Variants in RNMT observed in about 807,000 individuals in gnomAD.
RNMT encodes the protein mRNA cap guanine-N(7) methyltransferase.
In RNMT, 27 loss-of-function variants were observed where a neutral mutation model predicts 56.0. The ratio of observed to expected loss-of-function variants is 0.48; its 90% CI spans 0.36 to 0.67. The LOEUF is 0.67. Among genes scored for constraint, RNMT ranks in the 30% least tolerant of loss-of-function variants. The pLI, the probability that RNMT is intolerant of heterozygous loss-of-function variation, is 0.00. For synonymous variants in RNMT, 184 were observed against 176.2 expected (o/e 1.04, Z -0.35); for missense variants, 519 against 552.1 (o/e 0.94, Z 0.60).
intron 8 of RNMT, among the ~76,000 whole-genome samples, chr18:13,743,806 G>T (rs1485446130): frequency 6.6e-6 from 1 of 151,602 alleles, no homozygotes; most frequent in African/African-American, 2.4e-5. Flanking sequence ...TGTAAAATTA[G>T]GGTTACAGTA....
chr18:13,754,095 T>C lies in RNMT; in HGVS notation c.1360-19T>C, dbSNP rs767356655. 22 of 1,474,012 alleles carry C rather than the reference T, an allele frequency of 1.5e-5. No homozygotes were observed. Among genetic ancestry groups the C allele is most frequent in the Non-Finnish European group, 2.0e-5 (21 of 1,058,630 alleles). 91.3% of individuals were successfully genotyped at this position (1,474,012 alleles called of 1,614,324 possible). ...CCATATTGAATCTAAAATTTTCTTT[T>C]TCTCTTTTGTAATTTTAGGGAACCT... On this transcript the variant is annotated intron_variant, in intron 10 of 11. Transcript: ENST00000383314.
Position 13,731,467 on chromosome 18 carries a change from C to A in RNMT, c.-42-9C>A. On this transcript the variant is annotated splice_polypyrimidine_tract_variant and intron_variant, in intron 2 of 11. Transcript: ENST00000383314. ...TTTACAAGTAATACCAATTTTTTTC[C>A]TATTCTAGTGTTGGTTCATGAAGTT... 7.0e-7 allele frequency: 1 copy of A among 1,430,990 alleles called. No homozygotes were observed. The highest frequency in any genetic ancestry group is 9.4e-7 in the Non-Finnish European group (1 of 1,059,674). 88.6% of individuals were successfully genotyped at this position (1,430,990 alleles called of 1,614,324 possible).
chr18:13,739,980 T>C (rs1354976544), intron 5 of RNMT, among the ~76,000 whole-genome samples, 187 bp from the exon 6 acceptor site: 1 of 151,984 alleles, frequency 6.6e-6, no homozygotes, highest in African/African-American at 2.4e-5. Context: ...GAGACGCTTT[T>C]AGTTCCTCTT....
chr18:13,758,818 A>G (rs946507148), intron 11 of RNMT, among the ~76,000 whole-genome samples: 1 of 152,058 alleles, frequency 6.6e-6, no homozygotes, highest in Non-Finnish European at 1.5e-5. Context: ...AGTCATTTCT[A>G]GCTTCTGATT....
chr18:13,737,832 T>TA (rs1378077265), intron 5 of RNMT, among the ~76,000 whole-genome samples: 3 of 151,186 alleles, frequency 2.0e-5, no homozygotes, highest in Non-Finnish European at 2.9e-5. Context: ...CAAACATTTG[T>TA]AATCAGATGG....
chr18:13,758,602 A>G (rs1226640189), intron 11 of RNMT, among the ~76,000 whole-genome samples: 1 of 152,182 alleles, frequency 6.6e-6, no homozygotes, highest in Non-Finnish European at 1.5e-5. Context: ...GGCTTTGGAT[A>G]AAGGGAATGT....
intron 8 of RNMT, among the ~76,000 whole-genome samples, chr18:13,743,340 ATAAAT>A (rs777390536): frequency 0.36 from 22,386 of 62,432 alleles, 2,752 homozygotes; most frequent in Non-Finnish European, 0.44. Flanking sequence ...AAATAAATAA[ATAAAT>A]AAATAAATAA....
At chr18:13,738,704 A>C (rs1285284410) in intron 5 of RNMT, among the ~76,000 whole-genome samples, 3 of 152,252 alleles carry the variant, frequency 2.0e-5, no homozygotes, top group East Asian at 3.8e-4. Context: ...ACTGCCAATC[A>C]GAAAAGTATT....
chr18:13,736,574 A>T, intron 4 of RNMT, among the ~76,000 whole-genome samples: 1 of 151,446 alleles, frequency 6.6e-6, no homozygotes, highest in East Asian at 1.9e-4. Flanking sequence ...ATCATTCCAT[A>T]ACAACTTTGA....
At position 13,752,445 on chromosome 18, in the gene RNMT, A is replaced by G. The variant is rs1296990522; in HGVS notation, c.1359+18A>G. ...TACCTTTGGTAAGTTTTAATTTATG[A>G]AAGTATTTTATAGAGAATGAAAAAA... is the stretch of plus-strand genomic sequence containing the variant. On this transcript the variant is annotated intron_variant, in intron 10 of 11. Coordinates refer to ENST00000383314, the MANE Select transcript of RNMT (RefSeq NM_003799.3). The G allele has an allele frequency of 2.8e-6, 4 of 1,444,970 alleles. No individual in the cohort carries two copies. The highest frequency in any genetic ancestry group is 2.9e-6 in the Non-Finnish European group (3 of 1,028,458). The allele number at this position is 1,444,970 out of a possible 1,614,324, so 89.5% of individuals were successfully genotyped here.
Position 13,733,098 on chromosome 18 carries a change from C to G in RNMT, c.417+1164C>G, listed in dbSNP as rs1490021424. Among the ~76,000 whole-genome samples the G allele has an allele frequency of 2.0e-5, 3 of 152,060 alleles. No individual in the cohort carries two copies. The East Asian group carries it at 5.8e-4, about 29-fold the overall frequency. On this transcript the variant is annotated intron_variant, in intron 3 of 11. Transcript: ENST00000383314. ...TTTAAACATAGTTTTCAAACTTTTACTAGCCCCAGAACCCCTTTTTCAACT... is the reference window on the plus strand; with the variant it reads ...TTTAAACATAGTTTTCAAACTTTTAGTAGCCCCAGAACCCCTTTTTCAACT...
At chr18:13,729,839 G>T (rs1299689866) in intron 1 of RNMT, among the ~76,000 whole-genome samples, 1 of 148,068 alleles carries the variant, frequency 6.8e-6, no homozygotes, top group African/African-American at 2.5e-5. Context: ...TCACTTTGTT[G>T]TCTAGGCTGG....
In RNMT at chr18:13,762,931, A is replaced by C. The variant is rs1380116208; in HGVS notation, c.*2952A>C. On this transcript the variant is annotated 3_prime_UTR_variant, in exon 12 of 12. Coordinates refer to ENST00000383314, the MANE Select transcript of RNMT (RefSeq NM_003799.3). ...AAATGCCAGTGTGAATATTCTAGCT[A>C]CCAAACATTGTTTTTTGTTGAAAAA... 6 of 369,528 alleles carry C rather than the reference A, an allele frequency of 1.6e-5. No homozygotes were observed. Among genetic ancestry groups the C allele is most frequent in the Non-Finnish European group, 3.2e-5 (6 of 185,274 alleles). 22.9% of individuals were successfully genotyped at this position (369,528 alleles called of 1,614,324 possible).
chr18:13,739,333 TA>T (rs1293285281), intron 5 of RNMT, among the ~76,000 whole-genome samples: 2 of 152,226 alleles, frequency 1.3e-5, no homozygotes, highest in African/African-American at 4.8e-5. Flanking sequence ...CACTATTTTA[TA>T]AAGGGTATTC....
At chr18:13,749,400 A>G (rs1173266060) in intron 9 of RNMT, among the ~76,000 whole-genome samples, 21 of 152,256 alleles carry the variant, frequency 1.4e-4, no homozygotes, top group Admixed American at 1.4e-3. Flanking sequence ...TGCTAATGAT[A>G]CAGCAGTCTC....
At chr18:13,731,368 A>G in intron 2 of RNMT, 108 bp from the exon 3 acceptor site, 2 of 558,536 alleles carry the variant, frequency 3.6e-6, no homozygotes, top group South Asian at 5.6e-5. Flanking sequence ...AGATCATGCC[A>G]TTGCACTCCA....
chr18:13,733,690 T>A (rs1466468811), intron 3 of RNMT, among the ~76,000 whole-genome samples: 2 of 152,196 alleles, frequency 1.3e-5, no homozygotes, highest in African/African-American at 4.8e-5. Flanking sequence ...AATCTCTTTA[T>A]ATACATTATC....
At chr18:13,735,956 T>C (rs879625316) in intron 4 of RNMT, among the ~76,000 whole-genome samples, 2 of 152,212 alleles carry the variant, frequency 1.3e-5, no homozygotes, top group Non-Finnish European at 1.5e-5. Flanking sequence ...TCATTTTCTC[T>C]TTTTTCTTGG....
chr18:13,729,978 C>T (rs532885583), intron 1 of RNMT, among the ~76,000 whole-genome samples: 3 of 152,116 alleles, frequency 2.0e-5, no homozygotes, highest in South Asian at 2.1e-4. Flanking sequence ...TTTGTAGAGA[C>T]GGGATTTTGC....
Sources: gnomAD v4.1 joint callset for allele counts (sites outside exome capture counted in the v4.1 genomes callset) on GRCh38, gnomAD v4.1.1 for gene constraint, MANE v1.5 for transcripts, NCBI Gene and HGNC (gene_info 2026-07-23, HGNC 2026-07-21) for gene names.